The following SPINK1 variants were observed in gnomAD, a reference collection of about 807,000 sequenced individuals.
The protein encoded by SPINK1 is serine protease inhibitor Kazal-type 1.
SPINK1 carries 5 observed loss-of-function variants against 9.5 expected under a neutral mutation model. That is an observed-to-expected ratio of 0.52 (90% confidence interval 0.27 to 1.10). SPINK1 has a LOEUF of 1.10. Ranked by LOEUF, SPINK1 falls within the 50% of genes least tolerant of loss-of-function variation. The probability of loss-of-function intolerance (pLI) is 0.11; values close to 1 mark genes in which losing one functional copy is unlikely to be tolerated. For synonymous variants in SPINK1, 37 were observed against 32.3 expected (o/e 1.14, Z -0.49); for missense variants, 88 against 92.7 (o/e 0.95, Z 0.21).
the SPINK1 span, among the ~76,000 whole-genome samples, chr5:147,838,223 G>A: frequency 6.6e-5 from 10 of 152,300 alleles, no homozygotes; most frequent in Admixed American, 3.9e-4. Flanking sequence ...GTTGAGAAAC[G>A]TGTTTACTGG....
At chr5:147,838,969 T>C in the SPINK1 span, among the ~76,000 whole-genome samples, 1 of 152,224 alleles carries the variant, frequency 6.6e-6, no homozygotes, top group East Asian at 1.9e-4. Flanking sequence ...GTGATCCCTG[T>C]CTCCTCTTTC....
At chr5:147,837,392 T>C in the SPINK1 span, among the ~76,000 whole-genome samples, 1 of 152,170 alleles carries the variant, frequency 6.6e-6, no homozygotes, top group Non-Finnish European at 1.5e-5. Context: ...TTAGGGACTG[T>C]GGACCTGTAG....
chr5:147,825,849 T>G (rs975695399), intron 3 of SPINK1, among the ~76,000 whole-genome samples: 2 of 152,216 alleles, frequency 1.3e-5, no homozygotes, highest in African/African-American at 4.8e-5. Flanking sequence ...CTAAACAGAA[T>G]AAACAAGAGT....
chr5:147,827,952 T>C, intron 3 of SPINK1, 70 bp downstream of exon 3: 1 of 1,198,910 alleles, frequency 8.3e-7, no homozygotes, highest in Non-Finnish European at 1.2e-6. Flanking sequence ...GTGAGATTCA[T>C]ATTATCAGTA....
At chr5:147,831,752 G>T (rs1756513481), upstream of SPINK1, 23 of 1,457,170 alleles carry the variant, frequency 1.6e-5, no homozygotes, top group Non-Finnish European at 2.1e-5. Flanking sequence ...CTGGCCTCCA[G>T]GTTCTGGGAA....
chr5:147,837,655 TTC>T, the SPINK1 span, among the ~76,000 whole-genome samples: 1 of 88,478 alleles, frequency 1.1e-5, no homozygotes, highest in Non-Finnish European at 2.4e-5. Flanking sequence ...CTTCTTTTCT[TTC>T]TTTCTTTCTT....
At chr5:147,826,642 G>C (rs561818738) in intron 3 of SPINK1, among the ~76,000 whole-genome samples, 1 of 152,222 alleles carries the variant, frequency 6.6e-6, no homozygotes, top group Non-Finnish European at 1.5e-5. Context: ...TTAATGTCAA[G>C]AACATGGGTC....
upstream of SPINK1, among the ~76,000 whole-genome samples, chr5:147,832,766 T>A (rs1756530819): frequency 6.6e-6 from 1 of 152,194 alleles, no homozygotes; most frequent in Non-Finnish European, 1.5e-5. Flanking sequence ...CTGTGCCTTC[T>A]GCCAGAAACC....
chr5:147,824,964 G>T (rs940582808), intron 3 of SPINK1, among the ~76,000 whole-genome samples: 1 of 152,092 alleles, frequency 6.6e-6, no homozygotes, highest in African/African-American at 2.4e-5. Context: ...TACAGATCTC[G>T]TGGGGTGTTA....
chr5:147,828,497 G>A (rs1266475619), intron 2 of SPINK1, among the ~76,000 whole-genome samples: 1 of 152,226 alleles, frequency 6.6e-6, no homozygotes, highest in African/African-American at 2.4e-5. Context: ...TCTCAGGTTG[G>A]CCACATCTTG....
At chr5:147,833,876 T>A (rs1269354623), upstream of SPINK1, among the ~76,000 whole-genome samples, 1 of 152,170 alleles carries the variant, frequency 6.6e-6, no homozygotes, top group African/African-American at 2.4e-5. Context: ...GATTCTTCCT[T>A]GCTCAATCTG....
intron 1 of SPINK1, among the ~76,000 whole-genome samples, chr5:147,831,083 C>A (rs1306646445): frequency 6.6e-6 from 1 of 151,998 alleles, no homozygotes; most frequent in Non-Finnish European, 1.5e-5. Flanking sequence ...GAAACCTATA[C>A]AATAAAAAAA....
At chr5:147,829,717 G>T in intron 1 of SPINK1, 87 bp from the exon 2 acceptor site, 2 of 1,214,456 alleles carry the variant, frequency 1.6e-6, no homozygotes, top group South Asian at 1.2e-5. Context: ...TTTCATTGCA[G>T]ACTGTGACTT....
upstream of SPINK1, chr5:147,831,876 G>T: frequency 8.2e-7 from 1 of 1,217,428 alleles, no homozygotes; most frequent in Non-Finnish European, 1.1e-6. Flanking sequence ...TCCCTCTGTG[G>T]TTGTGGGAAA....
chr5:147,828,266 C>T, intron 2 of SPINK1, 138 bp from the exon 3 acceptor site: 1 of 766,598 alleles, frequency 1.3e-6, no homozygotes, highest in Non-Finnish European at 2.2e-6. Context: ...AGAGAAATAA[C>T]CTACTATCTG....
chr5:147,837,556 C>T, the SPINK1 span, among the ~76,000 whole-genome samples: 4 of 152,108 alleles, frequency 2.6e-5, no homozygotes, highest in African/African-American at 7.2e-5. Context: ...GGATCAACTA[C>T]GTGCCCTTTC....
At chr5:147,829,175 A>G (rs1276575953) in intron 2 of SPINK1, among the ~76,000 whole-genome samples, 1 of 152,202 alleles carries the variant, frequency 6.6e-6, no homozygotes, top group African/African-American at 2.4e-5. Context: ...ATTTTTCTAG[A>G]AGGAGAACCT....
At chr5:147,834,085 CCTTCATTGCA>C (rs1227255980), upstream of SPINK1, among the ~76,000 whole-genome samples, 1 of 152,010 alleles carries the variant, frequency 6.6e-6, no homozygotes, top group Non-Finnish European at 1.5e-5. Flanking sequence ...TTCATAAAAC[CCTTCATTGCA>C]CTTAAAATAA....
chr5:147,832,150 A>G (rs1756520184), upstream of SPINK1, among the ~76,000 whole-genome samples: 1 of 152,040 alleles, frequency 6.6e-6, no homozygotes, highest in Admixed American at 6.6e-5. Flanking sequence ...AGAGAAAGCA[A>G]GAGAGAGAGA....
Sources: gnomAD v4.1 joint callset for allele counts (sites outside exome capture counted in the v4.1 genomes callset) on GRCh38, gnomAD v4.1.1 for gene constraint, MANE v1.5 for transcripts, NCBI Gene and HGNC (gene_info 2026-07-23, HGNC 2026-07-21) for gene names.